The following GRIK4 variants were observed in gnomAD, a reference collection of about 807,000 sequenced individuals.
The protein encoded by GRIK4 is glutamate receptor ionotropic, kainate 4.
A neutral mutation model predicts 104.9 loss-of-function variants in GRIK4; 40 were observed. The ratio of observed to expected loss-of-function variants is 0.38; its 90% CI spans 0.30 to 0.50. GRIK4 has a LOEUF of 0.50. GRIK4 is among the 20% of genes least tolerant of loss of function. The pLI is 0.93. For synonymous variants in GRIK4, 485 were observed against 524.9 expected (o/e 0.92, Z 1.04); for missense variants, 1,047 against 1,308.1 (o/e 0.80, Z 3.08).
chr11:120,809,007 C>T (rs1952772579), intron 4 of GRIK4, among the ~76,000 whole-genome samples: 1 of 152,154 alleles, frequency 6.6e-6, no homozygotes, highest in Admixed American at 6.5e-5. Context: ...GGAAGCTGCT[C>T]CTTCCTGGAG....
intron 11 of GRIK4, among the ~76,000 whole-genome samples, chr11:120,890,252 G>A (rs1955246852): frequency 6.6e-6 from 1 of 152,138 alleles, no homozygotes; most frequent in Non-Finnish European, 1.5e-5. Flanking sequence ...TTTCCAGATG[G>A]AGAAGGTTCA....
In GRIK4 at chr11:120,855,821, G is replaced by T. The variant is rs143946559; in HGVS notation, c.745-6138G>T. ...CAGGTAATGCCCCGGCCTTGGCCTC[G>T]CAAAATGCTGGGATTATAGGCGTGA... On this transcript the variant is annotated intron_variant, in intron 8 of 20. Transcript: ENST00000527524. Among the ~76,000 whole-genome samples the T allele has an allele frequency of 1.8e-3, 277 of 152,312 alleles. 2 individuals are homozygous for T. The highest frequency in any genetic ancestry group is 8.5e-3 in the East Asian group (44 of 5,184).
At chr11:120,653,944 G>A in intron 2 of GRIK4, among the ~76,000 whole-genome samples, 152 bp downstream of exon 2, 1 of 152,208 alleles carries the variant, frequency 6.6e-6, no homozygotes. Context: ...CTCAGGATCA[G>A]CAAGGCTCCT....
chr11:120,556,158 G>A (rs949186307), intron 1 of GRIK4, among the ~76,000 whole-genome samples: 1 of 152,102 alleles, frequency 6.6e-6, no homozygotes, highest in African/African-American at 2.4e-5. Context: ...GTAAGCCTGG[G>A]GGAGGGAAGG....
At chr11:120,735,954 C>A (rs962554672) in intron 3 of GRIK4, among the ~76,000 whole-genome samples, 8 of 152,148 alleles carry the variant, frequency 5.3e-5, no homozygotes, top group African/African-American at 9.7e-5. Flanking sequence ...TGTCCCAGGG[C>A]AGGTCCAGAA....
At chr11:120,596,089 G>A (rs986976380) in intron 1 of GRIK4, among the ~76,000 whole-genome samples, 6 of 152,142 alleles carry the variant, frequency 3.9e-5, no homozygotes, top group South Asian at 2.1e-4. Flanking sequence ...TCAATAATCC[G>A]CCCGTCTCGG....
At chr11:120,713,694 T>C (rs1182340628) in intron 3 of GRIK4, among the ~76,000 whole-genome samples, 1 of 152,044 alleles carries the variant, frequency 6.6e-6, no homozygotes, top group Non-Finnish European at 1.5e-5. Flanking sequence ...CTCGGTGAGG[T>C]AGAGAGGTGG....
intron 8 of GRIK4, among the ~76,000 whole-genome samples, chr11:120,854,789 T>A (rs1034194454): frequency 9.9e-5 from 15 of 152,190 alleles, no homozygotes; most frequent in African/African-American, 2.9e-4. Context: ...TGAAGTCTTA[T>A]TTCCCCCATT....
At chr11:120,601,851 A>T (rs888096064) in intron 1 of GRIK4, among the ~76,000 whole-genome samples, 1 of 152,028 alleles carries the variant, frequency 6.6e-6, no homozygotes, top group Non-Finnish European at 1.5e-5. Context: ...GCTGAATGAG[A>T]GGAAGAGAGC....
intron 1 of GRIK4, among the ~76,000 whole-genome samples, chr11:120,598,955 A>T (rs1412020930): frequency 6.6e-6 from 1 of 152,196 alleles, no homozygotes; most frequent in African/African-American, 2.4e-5. Flanking sequence ...TCTTGATGGG[A>T]GGGGCCAAGA....
intron 2 of GRIK4, among the ~76,000 whole-genome samples, chr11:120,658,818 G>A (rs999082306): frequency 1.6e-5 from 2 of 128,778 alleles, no homozygotes; most frequent in Non-Finnish European, 1.6e-5. Flanking sequence ...GCACGATCTC[G>A]GCTCACTGCA....
chr11:120,834,751 G>A (rs764149763), intron 7 of GRIK4, among the ~76,000 whole-genome samples: 21 of 152,142 alleles, frequency 1.4e-4, no homozygotes, highest in African/African-American at 4.3e-4. Flanking sequence ...TTTATTGAGC[G>A]GCTGTTCCAG....
chr11:120,986,070 G>C lies in GRIK4; in HGVS notation c.2681G>C (p.Gly894Ala). The C allele has an allele frequency of 6.6e-7, 1 of 1,516,980 alleles. No homozygotes were observed. Among genetic ancestry groups the C allele is most frequent in the Non-Finnish European group, 8.8e-7 (1 of 1,136,898 alleles). 94.0% of individuals were successfully genotyped at this position (1,516,980 alleles called of 1,614,324 possible). A position where few individuals can be genotyped will look rare whatever the true frequency, so the allele number is the denominator to read the frequency against. ...TATLSNGKLC[G>A]AGEPDQLAQR... ...ACGCTCAGCAACGGGAAGCTGTGCG[G>C]GGCAGGGGAGCCCGACCAGCTCGCG... Residue 894 changes from glycine to alanine, a missense_variant, in exon 21 of 21, where the codon GGG becomes GCG. Gly to Ala is a moderately conservative substitution (Grantham distance 60, BLOSUM62 0). Transcript: ENST00000527524.
At chr11:120,540,982 A>G (rs1483809499) in intron 1 of GRIK4, among the ~76,000 whole-genome samples, 1 of 152,106 alleles carries the variant, frequency 6.6e-6, no homozygotes, top group Non-Finnish European at 1.5e-5. Flanking sequence ...AAACAAAACA[A>G]AGAACAGCTG....
chr11:120,823,530 T>A (rs904169242), intron 6 of GRIK4, among the ~76,000 whole-genome samples: 1 of 152,194 alleles, frequency 6.6e-6, no homozygotes, highest in African/African-American at 2.4e-5. Flanking sequence ...GCACAGCTGG[T>A]ACGTGGCAAA....
intron 13 of GRIK4, among the ~76,000 whole-genome samples, chr11:120,934,153 C>T (rs1289054220): frequency 2.1e-5 from 3 of 143,840 alleles, no homozygotes; most frequent in Non-Finnish European, 4.5e-5. Context: ...TGCAGTGAGC[C>T]GAGATCACGC....
chr11:120,728,107 C>T (rs1951063841), intron 3 of GRIK4, among the ~76,000 whole-genome samples: 1 of 151,846 alleles, frequency 6.6e-6, no homozygotes, highest in Non-Finnish European at 1.5e-5. Context: ...CTCAGAAGAA[C>T]CAAGACATAT....
chr11:120,674,141 A>T (rs1950063846), intron 3 of GRIK4, among the ~76,000 whole-genome samples: 1 of 152,142 alleles, frequency 6.6e-6, no homozygotes, highest in Non-Finnish European at 1.5e-5. Context: ...CTTCCATCTC[A>T]TGGATTGGAT....
intron 3 of GRIK4, among the ~76,000 whole-genome samples, chr11:120,785,494 T>C (rs1342381436): frequency 1.3e-5 from 2 of 152,226 alleles, no homozygotes; most frequent in Non-Finnish European, 2.9e-5. Flanking sequence ...GAATTGTCGG[T>C]GATGCCAGGG....
Sources: gnomAD v4.1 joint callset for allele counts (sites outside exome capture counted in the v4.1 genomes callset) on GRCh38, gnomAD v4.1.1 for gene constraint, MANE v1.5 for transcripts, NCBI Gene and HGNC (gene_info 2026-07-23, HGNC 2026-07-21) for gene names.